The following JPH1 variants were observed in gnomAD, a reference collection of about 807,000 sequenced individuals.
JPH1 encodes junctophilin 1, also known as junctophilin-1.
JPH1 carries 12 observed loss-of-function variants against 53.6 expected under a neutral mutation model. The observed-to-expected ratio is 0.22, with a 90% CI of 0.14 to 0.36. The LOEUF (loss-of-function observed/expected upper bound fraction) is 0.36. JPH1 is among the 10% of genes least tolerant of loss of function. The pLI is 1.00. For missense variants in JPH1, 808 were observed against 905.5 expected (o/e 0.89, Z 1.38); for synonymous variants, 375 against 363.8 (o/e 1.03, Z -0.35).
At chr8:74,273,681 C>G (rs1806769336) in intron 2 of JPH1, among the ~76,000 whole-genome samples, 1 of 152,090 alleles carries the variant, frequency 6.6e-6, no homozygotes, top group Non-Finnish European at 1.5e-5. Context: ...GTCTGGAAAA[C>G]CTAATTGGAA....
intron 2 of JPH1, among the ~76,000 whole-genome samples, chr8:74,269,049 A>G (rs1806620909): frequency 6.6e-6 from 1 of 152,100 alleles, no homozygotes; most frequent in Non-Finnish European, 1.5e-5. Flanking sequence ...CCTTGAACTC[A>G]CAGTTGAAAA....
At chr8:74,260,608 AGAG>A (rs35909378) in intron 2 of JPH1, among the ~76,000 whole-genome samples, 15,655 of 152,090 alleles carry the variant, frequency 0.1, 2,158 homozygotes, top group African/African-American at 0.31. Flanking sequence ...ACAGCAGGAG[AGAG>A]GAGGAGTTGG....
intron 2 of JPH1, among the ~76,000 whole-genome samples, chr8:74,271,409 T>C (rs574561901): frequency 3.3e-5 from 5 of 152,366 alleles, no homozygotes; most frequent in African/African-American, 1.2e-4. Context: ...ACTTGTTCAA[T>C]GTGCTAAGTC....
chr8:74,314,126 G>A (rs1249100224), intron 2 of JPH1, among the ~76,000 whole-genome samples: 1 of 152,146 alleles, frequency 6.6e-6, no homozygotes, highest in Non-Finnish European at 1.5e-5. Context: ...CACATTGAGA[G>A]TCCCATCTGT....
At chr8:74,318,776 C>T (rs1297692725) in intron 1 of JPH1, among the ~76,000 whole-genome samples, 2 of 152,128 alleles carry the variant, frequency 1.3e-5, no homozygotes, top group East Asian at 1.9e-4. Context: ...TTAGTGAGAA[C>T]AGCAGAAAAC....
intron 2 of JPH1, among the ~76,000 whole-genome samples, chr8:74,279,460 G>A (rs946785091): frequency 6.6e-6 from 1 of 152,132 alleles, no homozygotes; most frequent in African/African-American, 2.4e-5. Context: ...TTCCCTCTGT[G>A]TTCCTGACAC....
chr8:74,316,264 A>G (rs1175697437), intron 1 of JPH1, among the ~76,000 whole-genome samples: 1 of 152,162 alleles, frequency 6.6e-6, no homozygotes, highest in African/African-American at 2.4e-5. Context: ...GACAACCACA[A>G]TATATATTAT....
intron 3 of JPH1, among the ~76,000 whole-genome samples, chr8:74,247,364 A>C (rs1381147233): frequency 6.6e-6 from 1 of 152,210 alleles, no homozygotes; most frequent in East Asian, 1.9e-4. Flanking sequence ...TTGCAAAGAT[A>C]ATTAAAATAG....
At chr8:74,270,748 T>C (rs191782705) in intron 2 of JPH1, among the ~76,000 whole-genome samples, 5 of 152,324 alleles carry the variant, frequency 3.3e-5, no homozygotes, top group African/African-American at 1.2e-4. Flanking sequence ...TCCTCATAGA[T>C]TGTTAGTGGA....
Position 74,321,484 on chromosome 8 carries a change from C to T in JPH1, c.-197G>A, listed in dbSNP as rs565592887. The T allele has an allele frequency of 4.1e-3, 1,453 of 358,736 alleles. 6 individuals are homozygous for T. Among genetic ancestry groups the T allele is most frequent in the African/African-American group, 7.5e-3 (235 of 31,166 alleles). 22.2% of individuals were successfully genotyped at this position (358,736 alleles called of 1,614,324 possible). The stretch of plus-strand genomic sequence containing the variant: ...TTTTGCCGCCGCCACCGCCGCCTTC[C>T]TCCTCCTCCTCCTCCTCCTTCGCCG... On this transcript the variant is annotated 5_prime_UTR_variant, in exon 1 of 6. Coordinates refer to ENST00000342232, the MANE Select transcript of JPH1 (RefSeq NM_020647.4). The surrounding 1 kb of genome is among the most constrained non-coding windows in gnomAD (Gnocchi z 4.3).
rs189409310 is a variant in JPH1, at chr8:74,244,519, C to T, written c.1905+10G>A. On this transcript the variant is annotated intron_variant, in intron 4 of 5. Coordinates refer to ENST00000342232, the MANE Select transcript of JPH1 (RefSeq NM_020647.4). ...AGAAAGAAAGAGAAAACGCTACTTG[C>T]AGTACTTACTGAATTGGCTTCTTTT... The T allele has an allele frequency of 6.5e-5, 103 of 1,590,636 alleles. No individual in the cohort carries two copies. The highest frequency in any genetic ancestry group is 8.4e-5 in the Non-Finnish European group (98 of 1,170,516).
At chr8:74,266,185 C>T (rs962710103) in intron 2 of JPH1, among the ~76,000 whole-genome samples, 4 of 151,684 alleles carry the variant, frequency 2.6e-5, no homozygotes, top group African/African-American at 9.7e-5. Flanking sequence ...GTTCATAGCA[C>T]CATTATTTAT....
At chr8:74,318,927 T>C (rs58247876) in intron 1 of JPH1, among the ~76,000 whole-genome samples, 4,002 of 152,288 alleles carry the variant, frequency 0.026, 174 homozygotes, top group African/African-American at 0.084. Flanking sequence ...GTAGAAAATC[T>C]ATTAGCATAG....
intron 2 of JPH1, among the ~76,000 whole-genome samples, chr8:74,265,337 A>C (rs549462938): frequency 1.3e-5 from 2 of 152,324 alleles, no homozygotes; most frequent in East Asian, 3.9e-4. Flanking sequence ...CTTATTTTTA[A>C]TTAAGTACTT....
intron 4 of JPH1, among the ~76,000 whole-genome samples, chr8:74,240,217 C>A (rs1430222222): frequency 6.6e-6 from 1 of 152,196 alleles, no homozygotes; most frequent in Admixed American, 6.5e-5. Context: ...AGTGATCCAT[C>A]CGCCTCAGCC....
chr8:74,305,666 C>T (rs760245), intron 2 of JPH1, among the ~76,000 whole-genome samples: 35,069 of 152,078 alleles, frequency 0.23, 4,398 homozygotes, highest in Admixed American at 0.29. Context: ...TTTTCCCTTC[C>T]AGTCTTCAGT....
chr8:74,257,466 C>T (rs1806272470), intron 3 of JPH1, among the ~76,000 whole-genome samples: 1 of 152,210 alleles, frequency 6.6e-6, no homozygotes, highest in Admixed American at 6.5e-5. Flanking sequence ...AAATTACCAT[C>T]TGCAGACAAC....
At position 74,273,058 on chromosome 8, in the gene JPH1, T is replaced by C. The variant is rs570188581; in HGVS notation, c.1140-13555A>G. ...GTTTAAACTAAAACCTTACCTTCTC[T>C]AAACATAATGGAAAGACCTAGATTA... On this transcript the variant is annotated intron_variant, in intron 2 of 5. Transcript: ENST00000342232. 2.0e-5 allele frequency among the ~76,000 whole-genome samples: 3 copies of C among 152,340 alleles called. No homozygotes were observed. The East Asian group carries it at 5.8e-4, about 29-fold the overall frequency.
chr8:74,259,439 A>C lies in JPH1; in HGVS notation c.1204T>G (p.Cys402Gly), dbSNP rs563958975. 6.2e-7 allele frequency: 1 copy of C among 1,613,436 alleles called. No individual in the cohort carries two copies. The highest frequency in any genetic ancestry group is 8.5e-7 in the Non-Finnish European group (1 of 1,179,748). The stretch of plus-strand genomic sequence containing the variant: ...CTGGCCACAGCTCTCGCGATGTCGC[A>C]CTCCTGGCGAGCGGCCAGCGCGGCC... ...DQAALAARQE[C>G]DIARAVAREL... is the part of the protein sequence containing the mutation. Residue 402 changes from cysteine to glycine, a missense_variant, in exon 3 of 6, where the codon TGC becomes GGC. By Grantham distance (159) the Cys-to-Gly change is radical. Around this residue, in one of 2 missense-constraint regions of JPH1, gnomAD observed 756 missense variants for 811.9 expected, o/e 0.93. Transcript: ENST00000342232.
Sources: allele counts gnomAD v4.1 joint callset (sites outside exome capture counted in the v4.1 genomes callset), GRCh38; gene constraint gnomAD v4.1.1; regional missense constraint gnomAD v4.1.1; non-coding constraint Gnocchi (gnomAD v3.1); transcripts MANE v1.5; gene names NCBI Gene and HGNC (gene_info 2026-07-23, HGNC 2026-07-21).